The following PCMTD1 variants were observed in gnomAD, a reference collection of about 807,000 sequenced individuals.
PCMTD1 encodes protein-L-isoaspartate (D-aspartate) O-methyltransferase domain containing 1.
In PCMTD1, 12 loss-of-function variants were observed where a neutral mutation model predicts 37.6. That is an observed-to-expected ratio of 0.32 (90% CI 0.20 to 0.52). PCMTD1 has a LOEUF of 0.52. Ranked by LOEUF, PCMTD1 falls within the 20% of genes least tolerant of loss-of-function variation. The pLI is 0.97. For synonymous variants in PCMTD1, 117 were observed against 135.8 expected, an observed-to-expected ratio of 0.86 and a Z score of 0.96; for missense variants, 235 against 421.3, an observed-to-expected ratio of 0.56 and a Z score of 3.87.
intron 3 of PCMTD1, among the ~76,000 whole-genome samples, chr8:51,840,819 C>T (rs1344762927): frequency 1.3e-5 from 2 of 152,030 alleles, no homozygotes; most frequent in Non-Finnish European, 2.9e-5. Context: ...ATTGCCTCCC[C>T]GACCCATCCC....
chr8:51,848,669 T>C (rs2038259141), intron 2 of PCMTD1, among the ~76,000 whole-genome samples: 1 of 152,180 alleles, frequency 6.6e-6, no homozygotes. Flanking sequence ...ACATAACTTG[T>C]TTTTCATACT....
At chr8:51,858,711 C>G (rs1350566692) in intron 2 of PCMTD1, among the ~76,000 whole-genome samples, 1 of 152,150 alleles carries the variant, frequency 6.6e-6, no homozygotes, top group South Asian at 2.1e-4. Flanking sequence ...TATTCCTAAT[C>G]AAAACGAGAA....
intron 1 of PCMTD1, among the ~76,000 whole-genome samples, chr8:51,897,794 C>T (rs182137256): frequency 1.3e-3 from 191 of 152,178 alleles, no homozygotes; most frequent in African/African-American, 4.3e-3. Flanking sequence ...ATTGGATTCT[C>T]TAATACATAG....
chr8:51,883,384 AG>A (rs1410226305), intron 1 of PCMTD1, among the ~76,000 whole-genome samples: 1 of 152,176 alleles, frequency 6.6e-6, no homozygotes, highest in Non-Finnish European at 1.5e-5. Flanking sequence ...TCCTAAGGCT[AG>A]CAAGTGGGGA....
intron 5 of PCMTD1, among the ~76,000 whole-genome samples, chr8:51,821,985 T>C (rs543025040): frequency 6.6e-6 from 1 of 152,210 alleles, no homozygotes; most frequent in Non-Finnish European, 1.5e-5. Context: ...TCCGCCCACC[T>C]TGGCCTCCCA....
At chr8:51,829,164 T>C (rs1024073444) in intron 5 of PCMTD1, among the ~76,000 whole-genome samples, 3 of 152,174 alleles carry the variant, frequency 2.0e-5, no homozygotes, top group Admixed American at 6.5e-5. Context: ...CAGAATCAGA[T>C]CTATGACTCT....
chr8:51,828,717 C>T (rs1432231158), intron 5 of PCMTD1, among the ~76,000 whole-genome samples: 1 of 152,170 alleles, frequency 6.6e-6, no homozygotes, highest in Admixed American at 6.5e-5. Context: ...AGTCAAGGAG[C>T]ATCTGTAGTC....
Position 51,858,326 on chromosome 8 carries a change from G to A in PCMTD1, c.307+2519C>T, listed in dbSNP as rs1054710357. On this transcript the variant is annotated intron_variant, in intron 2 of 5. Coordinates refer to ENST00000522514, the MANE Select transcript of PCMTD1 (RefSeq NM_052937.4). ...CATAGGACCCACTGTTTATGGGGGA[G>A]CACCTGTTATCCCTATCTTGTGAGT... Among the ~76,000 whole-genome samples, 4 of 151,868 alleles carry A rather than the reference G, an allele frequency of 2.6e-5. No homozygotes were observed. In the South Asian group the frequency reaches 8.3e-4, roughly 32 times the overall value.
intron 2 of PCMTD1, among the ~76,000 whole-genome samples, chr8:51,847,696 T>C (rs2038242699): frequency 6.6e-6 from 1 of 152,096 alleles, no homozygotes; most frequent in African/African-American, 2.4e-5. Context: ...AAAAATACTA[T>C]CCTATGACAT....
In PCMTD1 at chr8:51,884,491, T is replaced by C. The variant is rs573995062; in HGVS notation, c.-96+14439A>G. The stretch of plus-strand genomic sequence containing the variant: ...AGTATGTTCTTCAAGAAAATCCTAG[T>C]GTAGTAATATGCTGCCCTGATCCCA... On this transcript the variant is annotated intron_variant, in intron 1 of 5. Coordinates refer to ENST00000522514, the MANE Select transcript of PCMTD1 (RefSeq NM_052937.4). 1.5e-3 allele frequency among the ~76,000 whole-genome samples: 222 copies of C among 152,250 alleles called. 4 individuals are homozygous for C. In the South Asian group the frequency reaches 0.043, roughly 30 times the overall value.
rs2037783896 is a variant in PCMTD1, at chr8:51,818,011, CTTACTT to C, written c.*2334_*2339del. On this transcript the variant is annotated 3_prime_UTR_variant, in exon 6 of 6. Coordinates refer to ENST00000522514, the MANE Select transcript of PCMTD1 (RefSeq NM_052937.4). ...AATACTATATTCCCCATCATTTTCA[CTTACTT>C]TTACTTAATCTTTATTTGCTACTTT... 1 of 449,084 alleles carries C rather than the reference CTTACTT, an allele frequency of 2.2e-6. No individual in the cohort carries two copies. The highest frequency in any genetic ancestry group is 4.5e-6 in the Non-Finnish European group (1 of 222,876). 27.8% of individuals were successfully genotyped at this position (449,084 alleles called of 1,614,324 possible).
chr8:51,846,695 T>A (rs1310360738), intron 2 of PCMTD1, among the ~76,000 whole-genome samples: 1 of 152,218 alleles, frequency 6.6e-6, no homozygotes, highest in Non-Finnish European at 1.5e-5. Context: ...AAAACAACAG[T>A]GCATATTTGG....
chr8:51,872,314 A>G (rs1179753325), intron 1 of PCMTD1, among the ~76,000 whole-genome samples: 1 of 152,176 alleles, frequency 6.6e-6, no homozygotes, highest in African/African-American at 2.4e-5. Context: ...AAAGATCCAC[A>G]TATCTTTCAG....
chr8:51,833,919 T>C (rs1409633876), intron 3 of PCMTD1, among the ~76,000 whole-genome samples: 2 of 152,208 alleles, frequency 1.3e-5, no homozygotes, highest in Non-Finnish European at 2.9e-5. Flanking sequence ...TTAACATTTT[T>C]GCCCACACTG....
At position 51,830,233 on chromosome 8, in the gene PCMTD1, G is replaced by A. The variant is rs192795712; in HGVS notation, c.706+1211C>T. Reference sequence around the variant, plus strand: ...TATCTCCTCTTTATCTCCACTCTCCGCTAAATGATCTCATCCATTTCTATC... The same window carrying A: ...TATCTCCTCTTTATCTCCACTCTCCACTAAATGATCTCATCCATTTCTATC... On this transcript the variant is annotated intron_variant, in intron 5 of 5. Coordinates refer to ENST00000522514, the MANE Select transcript of PCMTD1 (RefSeq NM_052937.4). Among the ~76,000 whole-genome samples, 209 of 152,110 alleles carry A rather than the reference G, an allele frequency of 1.4e-3. 4 individuals carry two copies. Among genetic ancestry groups the A allele is most frequent in the Admixed American group, 0.012 (179 of 15,276 alleles).
At chr8:51,898,440 CGA>C (rs2039041917) in intron 1 of PCMTD1, among the ~76,000 whole-genome samples, 1 of 152,152 alleles carries the variant, frequency 6.6e-6, no homozygotes. Flanking sequence ...GAGACTTCCC[CGA>C]GTCTACGTAG....
intron 1 of PCMTD1, among the ~76,000 whole-genome samples, chr8:51,868,956 T>C (rs77534642): frequency 0.12 from 17,868 of 152,158 alleles, 1,290 homozygotes; most frequent in East Asian, 0.17. Context: ...TTATACTGTA[T>C]ATATTGTTCA....
At chr8:51,849,303 T>C (rs574240743) in intron 2 of PCMTD1, 24 of 152,144 alleles carry the variant, frequency 1.6e-4, no homozygotes, top group African/African-American at 5.3e-4. Context: ...ATATAGCTAA[T>C]AGGTACAAGT....
intron 2 of PCMTD1, among the ~76,000 whole-genome samples, chr8:51,848,226 TA>T (rs921575225): frequency 6.6e-6 from 1 of 151,056 alleles, no homozygotes; most frequent in African/African-American, 2.4e-5. Context: ...ATGTTTCCTA[TA>T]AGACTCTTAT....
Sources: gnomAD v4.1 joint callset for allele counts (sites outside exome capture counted in the v4.1 genomes callset) on GRCh38, gnomAD v4.1.1 for gene constraint, MANE v1.5 for transcripts, NCBI Gene and HGNC (gene_info 2026-07-23, HGNC 2026-07-21) for gene names.